The following CASR variants were observed in gnomAD, a reference collection of about 807,000 sequenced individuals.
The protein encoded by CASR is extracellular calcium-sensing receptor.
A neutral mutation model predicts 69.1 loss-of-function variants in CASR; 23 were observed. That is an observed-to-expected ratio of 0.33 (90% confidence interval 0.24 to 0.47). CASR has a LOEUF of 0.47. Ranked by LOEUF, CASR falls within the 20% of genes least tolerant of loss-of-function variation. CASR has a pLI of 1.00. For missense variants in CASR, 924 were observed against 1,356.1 expected, an observed-to-expected ratio of 0.68 and a Z score of 5.00; for synonymous variants, 541 against 544.7, an observed-to-expected ratio of 0.99 and a Z score of 0.10.
chr3:122,223,411 T>C (rs539997623), intron 1 of CASR, among the ~76,000 whole-genome samples: 1 of 152,200 alleles, frequency 6.6e-6, no homozygotes, highest in Admixed American at 6.5e-5. Flanking sequence ...TTAGCGAATA[T>C]TATCAAAACC....
chr3:122,193,524 C>CT (rs1277382391), intron 1 of CASR, among the ~76,000 whole-genome samples: 10 of 152,116 alleles, frequency 6.6e-5, no homozygotes, highest in African/African-American at 2.4e-4. Context: ...GCCCTATCCT[C>CT]TCATTTCTAT....
At chr3:122,259,396 A>C (rs899408853) in intron 3 of CASR, among the ~76,000 whole-genome samples, 2 of 152,186 alleles carry the variant, frequency 1.3e-5, no homozygotes, top group Non-Finnish European at 2.9e-5. Flanking sequence ...ACATCTAAAC[A>C]AATTACTTAA....
chr3:122,201,011 T>A (rs1274876096), intron 1 of CASR, among the ~76,000 whole-genome samples: 4 of 146,616 alleles, frequency 2.7e-5, no homozygotes, highest in East Asian at 3.9e-4. Flanking sequence ...TTTTATTTTT[T>A]TTTTTTTTAT....
At chr3:122,233,466 T>G (rs562208053) in intron 1 of CASR, among the ~76,000 whole-genome samples, 8 of 152,176 alleles carry the variant, frequency 5.3e-5, no homozygotes, top group Non-Finnish European at 1.2e-4. Flanking sequence ...ACAGGTACCC[T>G]GCTCTGGGCC....
intron 1 of CASR, among the ~76,000 whole-genome samples, chr3:122,225,001 A>C (rs2074208716): frequency 6.6e-6 from 1 of 152,174 alleles, no homozygotes; most frequent in Non-Finnish European, 1.5e-5. Flanking sequence ...GTGCTGGGTT[A>C]ACTGGCTCGC....
At chr3:122,245,911 T>C (rs2074423273) in intron 1 of CASR, among the ~76,000 whole-genome samples, 1 of 152,162 alleles carries the variant, frequency 6.6e-6, no homozygotes, top group Non-Finnish European at 1.5e-5. Context: ...TCTGAAGTCC[T>C]AAACTGACAT....
At chr3:122,229,032 G>A (rs554852108) in intron 1 of CASR, among the ~76,000 whole-genome samples, 1 of 152,154 alleles carries the variant, frequency 6.6e-6, no homozygotes, top group African/African-American at 2.4e-5. Flanking sequence ...AGATTCTTAG[G>A]GTTACAACAG....
rs1217895146 is a variant in CASR, at chr3:122,262,140, C to A, written c.1105C>A (p.Pro369Thr). The change falls in exon 4 of 7, where the codon CCT becomes ACT. Residue 369 changes from proline (P) to threonine (T), a missense_variant. Coordinates refer to ENST00000639785, the MANE Select transcript of CASR (RefSeq NM_000388.4). Reference sequence around the variant, plus strand: ...CCAAGAAGGTGCAAAAGGACCTTTACCTGTGGACACCTTTCTGAGAGGTCA... The same window carrying A: ...CCAAGAAGGTGCAAAAGGACCTTTAACTGTGGACACCTTTCTGAGAGGTCA... ...HLQEGAKGPLPVDTFLRGHEE... is the reference protein window; with the variant it reads ...HLQEGAKGPLTVDTFLRGHEE... The A allele has an allele frequency of 2.5e-6, 4 of 1,614,176 alleles. No individual in the cohort carries two copies. The highest frequency in any genetic ancestry group is 3.4e-6 in the Non-Finnish European group (4 of 1,180,020).
At chr3:122,242,585 A>C (rs976901307) in intron 1 of CASR, among the ~76,000 whole-genome samples, 1 of 152,206 alleles carries the variant, frequency 6.6e-6, no homozygotes, top group Non-Finnish European at 1.5e-5. Flanking sequence ...AGTATTGTTA[A>C]AATGTTCATA....
intron 1 of CASR, among the ~76,000 whole-genome samples, chr3:122,199,903 G>GTTTGTTT (rs1027877604): frequency 5.3e-5 from 8 of 151,952 alleles, no homozygotes; most frequent in Non-Finnish European, 7.4e-5. Flanking sequence ...TTTTTTGTTT[G>GTTTGTTT]TTTGTTTTTT....
intron 1 of CASR, among the ~76,000 whole-genome samples, chr3:122,227,841 C>T (rs761601082): frequency 1.6e-4 from 24 of 152,264 alleles, no homozygotes; most frequent in East Asian, 9.6e-4. Flanking sequence ...GCAATTTACC[C>T]GTGTAACAAA....
rs1427860271 is a variant in CASR at position 122,284,117 on chromosome 3, C to T, written c.2163C>T (p.Leu721=). The part of the protein sequence containing the change: ...PTSFHRKWWG[L]NLQFLLVFLC... The stretch of plus-strand genomic sequence containing the variant: ...GCTTCCACCGCAAGTGGTGGGGGCT[C>T]AACCTGCAGTTCCTGCTGGTTTTCC... The change falls in exon 7 of 7, where the codon CTC becomes CTT. Residue 721 remains leucine (L), a synonymous_variant. Coordinates refer to ENST00000639785, the MANE Select transcript of CASR (RefSeq NM_000388.4). The T allele has an allele frequency of 4.3e-6, 7 of 1,614,010 alleles. No individual in the cohort carries two copies. The highest frequency in any genetic ancestry group is 5.9e-6 in the Non-Finnish European group (7 of 1,179,898).
rs1286154267 is a variant in CASR at position 122,287,433 on chromosome 3, TACA to T, written c.*2248_*2250del. 6.6e-6 allele frequency: 1 copy of T among 152,268 alleles called. No homozygotes were observed. Among genetic ancestry groups the T allele is most frequent in the South Asian group, 2.1e-4 (1 of 4,830 alleles). 9.4% of individuals were successfully genotyped at this position (152,268 alleles called of 1,614,324 possible). ...GAAATATGAACTTGCATTGTTTTTC[TACA>T]ACAACTTAATTTCTATCTCAAATTC... On this transcript the variant is annotated 3_prime_UTR_variant, in exon 7 of 7. Transcript: ENST00000639785.
intron 1 of CASR, among the ~76,000 whole-genome samples, chr3:122,214,456 A>G (rs2074097328): frequency 6.6e-6 from 1 of 152,232 alleles, no homozygotes; most frequent in Admixed American, 6.5e-5. Flanking sequence ...TGGCTCAGAC[A>G]GGATAATGAA....
chr3:122,216,642 G>A (rs138613839), intron 1 of CASR, among the ~76,000 whole-genome samples: 61 of 152,302 alleles, frequency 4.0e-4, no homozygotes, highest in African/African-American at 1.4e-3. Context: ...CATTCTAATA[G>A]TGGTTGAAAG....
intron 1 of CASR, among the ~76,000 whole-genome samples, chr3:122,231,123 A>G (rs7639847): frequency 0.72 from 109,042 of 152,008 alleles, 39,408 homozygotes; most frequent in Admixed American, 0.82. Flanking sequence ...CCCTTGTAGA[A>G]GTGAGAAGTG....
At chr3:122,237,085 T>C (rs563670331) in intron 1 of CASR, among the ~76,000 whole-genome samples, 9 of 151,258 alleles carry the variant, frequency 6.0e-5, no homozygotes, top group Admixed American at 4.6e-4. Context: ...TTTGTAGAGA[T>C]GCTAATTGTA....
At chr3:122,185,502 G>A (rs2073770078) in intron 1 of CASR, among the ~76,000 whole-genome samples, 1 of 152,224 alleles carries the variant, frequency 6.6e-6, no homozygotes, top group Non-Finnish European at 1.5e-5. Context: ...AAGAGTCCAT[G>A]TCAAGTTCTA....
At chr3:122,261,324 G>A (rs538223364) in intron 3 of CASR, among the ~76,000 whole-genome samples, 17 of 152,332 alleles carry the variant, frequency 1.1e-4, no homozygotes, top group African/African-American at 4.1e-4. Context: ...CTCAAAGACT[G>A]AAAGGTGCTT....
Sources: gnomAD v4.1 joint callset for allele counts (sites outside exome capture counted in the v4.1 genomes callset) on GRCh38, gnomAD v4.1.1 for gene constraint, MANE v1.5 for transcripts, NCBI Gene and HGNC (gene_info 2026-07-23, HGNC 2026-07-21) for gene names.